BLK: variants seen among roughly 807,000 people sequenced by gnomAD.
BLK encodes tyrosine-protein kinase Blk.
A neutral mutation model predicts 61.8 loss-of-function variants in BLK; 64 were observed. That is an observed-to-expected ratio of 1.03 (90% CI 0.85 to 1.27). The LOEUF (loss-of-function observed/expected upper bound fraction) is 1.27, where lower values mean the gene tolerates loss of function less well. Ranked by LOEUF, BLK falls within the 50% of genes most tolerant of loss-of-function variation. The pLI, the probability that BLK is intolerant of heterozygous loss-of-function variation, is 0.00. For missense variants in BLK, 853 were observed against 660.5 expected (o/e 1.29, Z -3.19); for synonymous variants, 351 against 272.0 (o/e 1.29, Z -2.86).
At chr8:11,507,670 G>A (rs1467959588) in intron 1 of BLK, among the ~76,000 whole-genome samples, 1 of 152,182 alleles carries the variant, frequency 6.6e-6, no homozygotes, top group Non-Finnish European at 1.5e-5. Context: ...GGGTTACTGG[G>A]TCCATGTCAA....
intron 1 of BLK, among the ~76,000 whole-genome samples, chr8:11,500,921 T>C (rs1314121727): frequency 6.6e-6 from 1 of 152,174 alleles, no homozygotes. Context: ...TAATACTTTT[T>C]ATTTTGGCCA....
intron 9 of BLK, 199 bp from the exon 10 acceptor site, chr8:11,557,763 C>T (rs954393609): frequency 4.7e-5 from 27 of 575,032 alleles, no homozygotes; most frequent in South Asian, 1.1e-4. Context: ...GGCTGCCTCC[C>T]GGGGTGCTGA....
chr8:11,558,870 G>A (rs760691890), intron 10 of BLK: 20 of 428,218 alleles, frequency 4.7e-5, no homozygotes, highest in Middle Eastern at 3.3e-4. Context: ...CCCACCCACC[G>A]CCCACATCAG....
At chr8:11,542,873 C>T (rs563533486) in intron 1 of BLK, among the ~76,000 whole-genome samples, 1 of 152,280 alleles carries the variant, frequency 6.6e-6, no homozygotes, top group African/African-American at 2.4e-5. Flanking sequence ...AAACCCAGAG[C>T]CCCAGACACA....
Position 11,564,049 on chromosome 8 carries a change from C to A in BLK, c.1459C>A (p.Gln487Lys), listed in dbSNP as rs977993440. 8.1e-6 allele frequency: 13 copies of A among 1,602,674 alleles called. No homozygotes were observed. The African/African-American group carries it at 1.3e-4, about 16-fold the overall frequency. ...PEERPTFEFL[Q>K]SVLEDFYTAT... is the part of the protein sequence containing the mutation. Reference sequence around the variant, plus strand: ...GGAGCGGCCCACCTTCGAGTTCCTGCAGTCGGTGCTGGAGGACTTCTACAC... The same window carrying A: ...GGAGCGGCCCACCTTCGAGTTCCTGAAGTCGGTGCTGGAGGACTTCTACAC... Residue 487 changes from glutamine (Q) to lysine (K), a missense_variant, in exon 13 of 13, where the codon CAG becomes AAG. By Grantham distance (53) the Gln-to-Lys change is moderately conservative (BLOSUM62 1). Coordinates refer to ENST00000259089, the MANE Select transcript of BLK (RefSeq NM_001715.3).
intron 1 of BLK, among the ~76,000 whole-genome samples, chr8:11,536,912 A>C (rs1287290126): frequency 1.3e-5 from 2 of 152,198 alleles, no homozygotes; most frequent in Non-Finnish European, 2.9e-5. Flanking sequence ...AATCGGGTGC[A>C]TGCCTTTCCT....
intron 1 of BLK, among the ~76,000 whole-genome samples, chr8:11,502,343 G>A (rs571836985): frequency 1.3e-5 from 2 of 150,838 alleles, no homozygotes; most frequent in African/African-American, 4.9e-5. Context: ...TTACTCTGTT[G>A]CCCAGGCTGC....
chr8:11,556,623 T>A (rs770481970), intron 8 of BLK, 35 bp from the exon 9 acceptor site: 1 of 1,613,698 alleles, frequency 6.2e-7, no homozygotes, highest in African/African-American at 1.3e-5. Flanking sequence ...AAGCTCTCTG[T>A]CTTCTGATTG....
intron 1 of BLK, among the ~76,000 whole-genome samples, chr8:11,496,353 A>C (rs1336741730): frequency 2.6e-5 from 4 of 152,010 alleles, no homozygotes; most frequent in African/African-American, 9.7e-5. Flanking sequence ...GATCCTCCCA[A>C]CTCAGCCTCC....
At chr8:11,505,553 T>G (rs549329094) in intron 1 of BLK, among the ~76,000 whole-genome samples, 1 of 152,302 alleles carries the variant, frequency 6.6e-6, no homozygotes, top group East Asian at 1.9e-4. Context: ...CAAGCTCCAT[T>G]GCTTTCGTTC....
intron 1 of BLK, among the ~76,000 whole-genome samples, chr8:11,504,228 A>G (rs187412162): frequency 2.9e-4 from 44 of 152,196 alleles, no homozygotes; most frequent in African/African-American, 1.1e-3. Flanking sequence ...AGGCTGAGGT[A>G]GGAGAATTGC....
At chr8:11,559,404 CACAG>C (rs1801379343) in intron 10 of BLK, among the ~76,000 whole-genome samples, 1 of 151,530 alleles carries the variant, frequency 6.6e-6, no homozygotes, top group African/African-American at 2.4e-5. Context: ...CAGACACACA[CACAG>C]ACACACAGAC....
At chr8:11,496,620 A>T (rs1181093721) in intron 1 of BLK, among the ~76,000 whole-genome samples, 1 of 152,164 alleles carries the variant, frequency 6.6e-6, no homozygotes, top group African/African-American at 2.4e-5. Flanking sequence ...AGCGAAGCTC[A>T]CTGCACTGGT....
At chr8:11,505,938 T>C (rs1798755396) in intron 1 of BLK, among the ~76,000 whole-genome samples, 1 of 152,298 alleles carries the variant, frequency 6.6e-6, no homozygotes, top group African/African-American at 2.4e-5. Context: ...GGAGGTCCAG[T>C]CCTAATGTCC....
Position 11,561,329 on chromosome 8 carries a change from C to T in BLK, c.1057C>T (p.Arg353Cys), listed in dbSNP as rs199696853. The change falls in exon 11 of 13, where the codon CGC becomes TGC. Residue 353 changes from arginine (R) to cysteine (C), a missense_variant. Coordinates refer to ENST00000259089, the MANE Select transcript of BLK (RefSeq NM_001715.3). ...TGCTGAAGGGATGGCATACATTGAG[C>T]GCATGAATTCCATCCACCGCGACCT... ...QIAEGMAYIERMNSIHRDLRA... is the reference protein window; with the variant it reads ...QIAEGMAYIECMNSIHRDLRA... 164 of 1,613,916 alleles carry T rather than the reference C, an allele frequency of 1.0e-4. 1 individual carries two copies. The Admixed American group carries it at 2.2e-3, about 22-fold the overall frequency.
chr8:11,562,666 C>A (rs1346962404), intron 11 of BLK, among the ~76,000 whole-genome samples: 1 of 152,254 alleles, frequency 6.6e-6, no homozygotes, highest in African/African-American at 2.4e-5. Context: ...GAAACAGGCC[C>A]CTTCCATCCC....
intron 10 of BLK, 59 bp downstream of exon 10, chr8:11,558,097 G>T: frequency 1.3e-6 from 2 of 1,535,010 alleles, no homozygotes; most frequent in Non-Finnish European, 1.8e-6. Flanking sequence ...GCCCACAATG[G>T]CTGCTCGTGC....
chr8:11,512,878 G>A (rs1339966711), intron 1 of BLK, among the ~76,000 whole-genome samples: 1 of 152,166 alleles, frequency 6.6e-6, no homozygotes, highest in Non-Finnish European at 1.5e-5. Flanking sequence ...TGTTGGCCAG[G>A]CTGGACTCAA....
chr8:11,543,125 T>C (rs1800461943), intron 1 of BLK, 99 bp from the exon 2 acceptor site: 1 of 1,594,046 alleles, frequency 6.3e-7, no homozygotes, highest in African/African-American at 1.3e-5. Flanking sequence ...CACCCCACCT[T>C]TCTAACCAGC....
Sources: gnomAD v4.1 joint callset for allele counts (sites outside exome capture counted in the v4.1 genomes callset) on GRCh38, gnomAD v4.1.1 for gene constraint, MANE v1.5 for transcripts, NCBI Gene and HGNC (gene_info 2026-07-23, HGNC 2026-07-21) for gene names.